CRLF2: variants seen among roughly 807,000 people sequenced by gnomAD.
The protein encoded by CRLF2 is cytokine receptor like factor 2.
A neutral mutation model predicts 38.7 loss-of-function variants in CRLF2; 41 were observed. The ratio of observed to expected loss-of-function variants is 1.06; its 90% CI spans 0.83 to 1.37. The LOEUF is 1.37. CRLF2 is among the 40% of genes most tolerant of loss of function. The pLI is 0.00. For missense variants in CRLF2, 377 were observed against 322.2 expected, an observed-to-expected ratio of 1.17 and a Z score of -1.30; for synonymous variants, 140 against 128.8, an observed-to-expected ratio of 1.09 and a Z score of -0.59.
At chrX:1,194,289 C>CA (rs1439901543) in intron 6 of CRLF2, among the ~76,000 whole-genome samples, 14 of 149,298 alleles carry the variant, frequency 9.4e-5, no homozygotes, top group East Asian at 4.0e-4. Flanking sequence ...GACTCCGTCT[C>CA]AAAAAAAACA....
chrX:1,209,478 C>T, intron 1 of CRLF2, among the ~76,000 whole-genome samples: 1 of 151,710 alleles, frequency 6.6e-6, no homozygotes, highest in Non-Finnish European at 1.5e-5. Flanking sequence ...GCTACAGGTG[C>T]CCGCCACCAT....
intron 7 of CRLF2, among the ~76,000 whole-genome samples, chrX:1,191,875 C>G (rs2086386796): frequency 3.3e-5 from 5 of 151,978 alleles, no homozygotes; most frequent in Non-Finnish European, 1.5e-5. Flanking sequence ...GACGGACTCT[C>G]CAGTCAGCCA....
chrX:1,197,475 G>C lies in CRLF2; in HGVS notation c.647-575C>G, dbSNP rs1473783300. 9.0e-4 allele frequency among the ~76,000 whole-genome samples: 137 copies of C among 151,972 alleles called. 1 individual carries two copies. Among genetic ancestry groups the C allele is most frequent in the Non-Finnish European group, 1.8e-3 (119 of 67,994 alleles). On this transcript the variant is annotated intron_variant, in intron 5 of 7. Coordinates refer to ENST00000400841, the MANE Select transcript of CRLF2 (RefSeq NM_022148.4). Reference sequence around the variant, plus strand: ...AGGTGTTTACAGCATATGAGAGCTTGCTTTCGTGTGTTGGTGGCTGTGCTC... The same window carrying C: ...AGGTGTTTACAGCATATGAGAGCTTCCTTTCGTGTGTTGGTGGCTGTGCTC...
At position 1,206,942 on chromosome X, in the gene CRLF2, C is replaced by CTT. The variant is rs766628411; in HGVS notation, c.183-345_183-344dup. Among the ~76,000 whole-genome samples the CTT allele has an allele frequency of 9.9e-4, 115 of 115,670 alleles. 1 individual carries two copies. The highest frequency in any genetic ancestry group is 3.1e-3 in the African/African-American group (91 of 29,026). The allele number at this position is 115,670 out of a possible 152,430, so 75.9% of individuals were successfully genotyped here. On this transcript the variant is annotated intron_variant, in intron 2 of 7. Coordinates refer to ENST00000400841, the MANE Select transcript of CRLF2 (RefSeq NM_022148.4). The stretch of plus-strand genomic sequence containing the variant: ...TGAGAGGTGTGAGCTACCACACCGG[C>CTT]TTTTTTTTTTTTTTTTTTTTTAAGA...
chrX:1,198,912 G>T (rs1180562877), intron 4 of CRLF2, 188 bp from the exon 5 acceptor site: 1 of 635,442 alleles, frequency 1.6e-6, no homozygotes, highest in Non-Finnish European at 2.8e-6. Context: ...GCTTTGGGAG[G>T]CTGAGGCGGG....
chrX:1,190,987 C>G lies in CRLF2; in HGVS notation c.1026G>C (p.Gln342His). The G allele has an allele frequency of 2.5e-6, 1 of 398,738 alleles. No individual in the cohort carries two copies. The allele number at this position is 398,738 out of a possible 1,614,324, so 24.7% of individuals were successfully genotyped here. A position where few individuals can be genotyped will look rare whatever the true frequency, so the allele number is the denominator to read the frequency against. The change falls in exon 8 of 8, where the codon CAG (glutamine) becomes CAC (histidine). Residue 342 changes from glutamine (Q) to histidine (H), a missense_variant. Gln to His is a conservative substitution (Grantham distance 24, BLOSUM62 0). Transcript: ENST00000400841. Reference protein sequence around the residue: ...EEKEASGGSLQLPHQPLQGGD... With the variant: ...EEKEASGGSLHLPHQPLQGGD... ...CGCCTTGGAGGGGCTGGTGGGGAAG[C>G]TGGAGGGATCCCCCAGAGGCCTCTT...
At chrX:1,196,921 G>A (rs187497694) in intron 5 of CRLF2, 21 bp from the exon 6 acceptor site, 17,614 of 1,610,082 alleles carry the variant, frequency 0.011, 121 homozygotes, top group Non-Finnish European at 0.013. Context: ...ATGAAAAGGC[G>A]GCTGTCAGTT....
intron 6 of CRLF2, among the ~76,000 whole-genome samples, chrX:1,194,158 C>T (rs1390199777): frequency 0.014 from 2,097 of 151,806 alleles, 45 homozygotes; most frequent in African/African-American, 0.048. Context: ...GGTGTGGTGG[C>T]GTCTGCGTGT....
At chrX:1,201,938 A>C (rs145762598) in intron 4 of CRLF2, among the ~76,000 whole-genome samples, 208 of 152,146 alleles carry the variant, frequency 1.4e-3, no homozygotes, top group Non-Finnish European at 1.9e-3. Flanking sequence ...AGAGAGATAG[A>C]TAGAACAAAG....
intron 2 of CRLF2, among the ~76,000 whole-genome samples, chrX:1,206,829 G>A (rs2147849929): frequency 6.6e-6 from 1 of 151,514 alleles, no homozygotes; most frequent in South Asian, 2.1e-4. Context: ...TTTTACTGGA[G>A]ACAGGGTTTC....
intron 6 of CRLF2, among the ~76,000 whole-genome samples, chrX:1,195,536 T>C (rs1389596486): frequency 2.0e-5 from 3 of 151,518 alleles, no homozygotes; most frequent in South Asian, 2.1e-4. Context: ...GCCTCCCAAA[T>C]AGCTGGGACT....
At chrX:1,192,712 C>CTT (rs1240566671) in intron 7 of CRLF2, among the ~76,000 whole-genome samples, 1 of 13,938 alleles carries the variant, frequency 7.2e-5, no homozygotes, top group Non-Finnish European at 1.2e-4. Flanking sequence ...CTTTTCTTTT[C>CTT]TTTCTTTCTT....
At chrX:1,211,743 G>GATA (rs1480055370) in intron 1 of CRLF2, among the ~76,000 whole-genome samples, 664 of 70,648 alleles carry the variant, frequency 9.4e-3, no homozygotes, top group Middle Eastern at 0.017. Context: ...ATGGATGGAT[G>GATA]GATAAGTGGA....
intron 2 of CRLF2, among the ~76,000 whole-genome samples, chrX:1,208,433 C>G (rs1365531843): frequency 6.6e-6 from 1 of 152,102 alleles, no homozygotes; most frequent in East Asian, 1.9e-4. Flanking sequence ...GTGGCAGGTG[C>G]CTGTAATCCC....
intron 1 of CRLF2, among the ~76,000 whole-genome samples, chrX:1,210,363 G>C (rs1215430929): frequency 3.5e-4 from 53 of 152,054 alleles, no homozygotes; most frequent in Non-Finnish European, 6.9e-4. Context: ...GCCCACGCTG[G>C]AGTGCAGTGG....
At chrX:1,203,278 G>A (rs1443245050) in intron 3 of CRLF2, among the ~76,000 whole-genome samples, 22 of 152,114 alleles carry the variant, frequency 1.4e-4, no homozygotes, top group South Asian at 2.1e-4. Flanking sequence ...ACGTGGAGAC[G>A]GAGGCAGAGA....
intron 6 of CRLF2, among the ~76,000 whole-genome samples, chrX:1,195,996 A>T (rs2086468495): frequency 7.1e-6 from 1 of 141,686 alleles, no homozygotes; most frequent in African/African-American, 2.6e-5. Flanking sequence ...TTATATATTT[A>T]TATATATAAT....
At chrX:1,191,561 C>A (rs1388969653) in intron 7 of CRLF2, among the ~76,000 whole-genome samples, 151 of 149,916 alleles carry the variant, frequency 1.0e-3, no homozygotes, top group African/African-American at 3.3e-3. Context: ...GACGGCATTT[C>A]GCTCTTGTTT....
intron 3 of CRLF2, among the ~76,000 whole-genome samples, chrX:1,204,096 A>AAAAAAAAGAGAG (rs370190016): frequency 9.0e-5 from 12 of 133,432 alleles, no homozygotes; most frequent in Admixed American, 3.9e-4. Flanking sequence ...TCTCAAAAAA[A>AAAAAAAAGAGAG]AGAGAGAACA....
Sources: allele counts gnomAD v4.1 joint callset (sites outside exome capture counted in the v4.1 genomes callset), GRCh38; gene constraint gnomAD v4.1.1; transcripts MANE v1.5; gene names NCBI Gene and HGNC (gene_info 2026-07-23, HGNC 2026-07-21).